KLF8: variants seen among roughly 807,000 people sequenced by gnomAD.
KLF8 encodes the protein KLF transcription factor 8.
Under a neutral mutation model 18.2 loss-of-function variants are expected in KLF8, and 10 were observed. The observed-to-expected ratio is 0.55, with a 90% CI of 0.34 to 0.93. The LOEUF (loss-of-function observed/expected upper bound fraction) is 0.93. KLF8 is among the 40% of genes least tolerant of loss of function. The probability of loss-of-function intolerance (pLI) is 0.02; values close to 1 mark genes in which losing one functional copy is unlikely to be tolerated. For synonymous variants in KLF8, 109 were observed against 97.3 expected, an observed-to-expected ratio of 1.12 and a Z score of -0.71; for missense variants, 264 against 277.9, an observed-to-expected ratio of 0.95 and a Z score of 0.36.
chrX:55,945,232 AG>A, the KLF8 span, among the ~76,000 whole-genome samples: 1 of 110,742 alleles, frequency 9.0e-6, no homozygotes, highest in Non-Finnish European at 1.9e-5. Flanking sequence ...ACATTTGGTG[AG>A]GAGAGCTTTA....
At chrX:56,030,905 C>CT in the KLF8 span, among the ~76,000 whole-genome samples, 2 of 109,819 alleles carry the variant, frequency 1.8e-5, no homozygotes, top group Admixed American at 2.0e-4. Flanking sequence ...CTGTTAACCA[C>CT]TGTGGGGGAT....
At chrX:56,129,484 A>G in the KLF8 span, among the ~76,000 whole-genome samples, 1 of 111,424 alleles carries the variant, frequency 9.0e-6, no homozygotes, top group Non-Finnish European at 1.9e-5. Context: ...GCTGAGCGAA[A>G]TACAGGGGTA....
chrX:55,951,362 G>A, the KLF8 span, among the ~76,000 whole-genome samples: 1 of 108,212 alleles, frequency 9.2e-6, no homozygotes, highest in Non-Finnish European at 1.9e-5. Context: ...TGTCATCCCA[G>A]CTACTTGGGA....
intron 5 of KLF8, among the ~76,000 whole-genome samples, chrX:56,278,137 C>T (rs2067146443): frequency 8.9e-6 from 1 of 112,081 alleles, no homozygotes; most frequent in African/African-American, 3.2e-5. Context: ...CCTGCTTGTG[C>T]TCTATCCTTC....
chrX:56,155,147 C>G, the KLF8 span, among the ~76,000 whole-genome samples: 1 of 111,680 alleles, frequency 9.0e-6, no homozygotes, highest in Non-Finnish European at 1.9e-5. Context: ...TATAAAGACA[C>G]ATGCTCACGT....
At chrX:56,151,603 C>G in the KLF8 span, among the ~76,000 whole-genome samples, 1 of 110,157 alleles carries the variant, frequency 9.1e-6, no homozygotes, top group African/African-American at 3.3e-5. Flanking sequence ...ACTGGGAACA[C>G]TGGAAAAGAA....
At chrX:56,117,892 C>A in the KLF8 span, among the ~76,000 whole-genome samples, 1 of 111,466 alleles carries the variant, frequency 9.0e-6, no homozygotes, top group East Asian at 2.8e-4. Context: ...AAATTTATTT[C>A]TCATGGTTCT....
At chrX:55,909,717 G>C in the KLF8 span, among the ~76,000 whole-genome samples, 2 of 112,491 alleles carry the variant, frequency 1.8e-5, no homozygotes, top group African/African-American at 6.5e-5. Context: ...GGGAATTCCA[G>C]CTAGAAGAAA....
chrX:56,075,836 T>C, the KLF8 span, among the ~76,000 whole-genome samples: 1 of 112,154 alleles, frequency 8.9e-6, no homozygotes, highest in Admixed American at 9.5e-5. Context: ...TTGTTGCAAA[T>C]GACAATGTCT....
At chrX:56,113,553 A>ATTTTTT in the KLF8 span, among the ~76,000 whole-genome samples, 2 of 24,085 alleles carry the variant, frequency 8.3e-5, no homozygotes, top group African/African-American at 3.4e-4. Context: ...TGGCAGGGAT[A>ATTTTTT]GTTTTTTTTT....
the KLF8 span, among the ~76,000 whole-genome samples, chrX:55,996,864 G>C: frequency 8.9e-6 from 1 of 112,197 alleles, no homozygotes; most frequent in Non-Finnish European, 1.9e-5. Context: ...GGCAGGGTCC[G>C]TGCATACATG....
At chrX:55,936,293 A>G in the KLF8 span, among the ~76,000 whole-genome samples, 49 of 112,209 alleles carry the variant, frequency 4.4e-4, no homozygotes, top group East Asian at 0.01. Flanking sequence ...ATTGATTGTG[A>G]ACATATTAGG....
At chrX:56,003,463 A>G in the KLF8 span, among the ~76,000 whole-genome samples, 779 of 110,769 alleles carry the variant, frequency 7.0e-3, 7 homozygotes, top group African/African-American at 0.024. Flanking sequence ...TCTGAACTTT[A>G]TTTCAAGATC....
At chrX:56,190,353 A>C in the KLF8 span, among the ~76,000 whole-genome samples, 1 of 111,561 alleles carries the variant, frequency 9.0e-6, no homozygotes, top group Non-Finnish European at 1.9e-5. Flanking sequence ...AGAGCTAAAA[A>C]AGAGATAGAC....
chrX:56,131,068 A>C, the KLF8 span, among the ~76,000 whole-genome samples: 5 of 111,936 alleles, frequency 4.5e-5, no homozygotes, highest in East Asian at 8.5e-4. Flanking sequence ...AACATATTTG[A>C]AGGAATAATC....
the KLF8 span, among the ~76,000 whole-genome samples, chrX:55,981,514 C>A: frequency 8.9e-6 from 1 of 112,228 alleles, no homozygotes; most frequent in African/African-American, 3.2e-5. Context: ...TGGTATTAAC[C>A]TTTCCTTCTA....
chrX:56,105,607 G>T, the KLF8 span, among the ~76,000 whole-genome samples: 3 of 106,043 alleles, frequency 2.8e-5, no homozygotes, highest in Non-Finnish European at 5.8e-5. Context: ...GTGTGTCTCT[G>T]CATGCGAGAT....
At chrX:56,124,341 C>T in the KLF8 span, among the ~76,000 whole-genome samples, 3 of 111,830 alleles carry the variant, frequency 2.7e-5, no homozygotes, top group Non-Finnish European at 5.6e-5. Context: ...ATTAGAACCT[C>T]AGTCAGTTTT....
chrX:56,250,407 T>G lies in KLF8; in HGVS notation c.81+103T>G. ...ACTCATTTTTCTTTCTATAACATGT[T>G]TGGGGATTGAGAAGAGGTGAAGGAA... On this transcript the variant is annotated intron_variant, in intron 2 of 5. Coordinates refer to ENST00000468660, the MANE Select transcript of KLF8 (RefSeq NM_007250.5). The G allele has an allele frequency of 6.5e-6, 4 of 618,670 alleles. No individual in the cohort carries two copies. The Admixed American group carries it at 1.2e-4, about 18-fold the overall frequency. 51.0% of individuals were successfully genotyped at this position (618,670 alleles called of 1,213,427 possible). A position where few individuals can be genotyped will look rare whatever the true frequency, so the allele number is the denominator to read the frequency against.
Sources: allele counts gnomAD v4.1 joint callset (sites outside exome capture counted in the v4.1 genomes callset), GRCh38; gene constraint gnomAD v4.1.1; transcripts MANE v1.5; gene names NCBI Gene and HGNC (gene_info 2026-07-23, HGNC 2026-07-21).